Variants in DYNC1I1 observed in about 807,000 individuals in gnomAD.
DYNC1I1 encodes the protein cytoplasmic dynein 1 intermediate chain 1.
A neutral mutation model predicts 86.6 loss-of-function variants in DYNC1I1; 43 were observed. That is an observed-to-expected ratio of 0.50 (90% CI 0.39 to 0.64). DYNC1I1 has a LOEUF of 0.64. Ranked by LOEUF, DYNC1I1 falls within the 30% of genes least tolerant of loss-of-function variation. The pLI is 0.00. For synonymous variants in DYNC1I1, 262 were observed against 283.7 expected, an observed-to-expected ratio of 0.92 and a Z score of 0.77; for missense variants, 604 against 788.8, an observed-to-expected ratio of 0.77 and a Z score of 2.81.
chr7:96,053,960 TATA>T (rs1789487275), intron 14 of DYNC1I1, among the ~76,000 whole-genome samples: 1 of 152,258 alleles, frequency 6.6e-6, no homozygotes, highest in Non-Finnish European at 1.5e-5. Context: ...AGTGGAAAAA[TATA>T]ATTAATTTTT....
chr7:95,961,564 A>C (rs977667754), intron 6 of DYNC1I1, among the ~76,000 whole-genome samples: 1 of 152,122 alleles, frequency 6.6e-6, no homozygotes, highest in African/African-American at 2.4e-5. Context: ...AGGCACTGGG[A>C]ACAATATAGA....
intron 10 of DYNC1I1, among the ~76,000 whole-genome samples, chr7:95,996,747 A>C (rs1793877205): frequency 6.6e-6 from 1 of 152,204 alleles, no homozygotes; most frequent in Admixed American, 6.5e-5. Flanking sequence ...CTGCCTAAAT[A>C]ATAGGCCTCA....
At chr7:95,855,279 G>A (rs1277464923) in intron 5 of DYNC1I1, among the ~76,000 whole-genome samples, 1 of 151,946 alleles carries the variant, frequency 6.6e-6, no homozygotes, top group East Asian at 1.9e-4. Flanking sequence ...ACTCTCTCCT[G>A]ATCTGTACAA....
intron 1 of DYNC1I1, among the ~76,000 whole-genome samples, chr7:95,793,962 A>G (rs1444874917): frequency 6.6e-6 from 1 of 152,200 alleles, no homozygotes; most frequent in East Asian, 1.9e-4. Flanking sequence ...CTTTCTACTC[A>G]ATGAATGTTT....
rs185960014 is a variant in DYNC1I1 at position 95,990,509 on chromosome 7, G to A, written c.843+3354G>A. Reference sequence around the variant, plus strand: ...GTCATGCCCTCTACTTCTTGCTTATGTTAGGAAACAGCGTCTTACTGGTCT... The same window carrying A: ...GTCATGCCCTCTACTTCTTGCTTATATTAGGAAACAGCGTCTTACTGGTCT... On this transcript the variant is annotated intron_variant, in intron 9 of 16. Coordinates refer to ENST00000447467, the MANE Select transcript of DYNC1I1 (RefSeq NM_001135556.2). 3.4e-4 allele frequency among the ~76,000 whole-genome samples: 52 copies of A among 152,260 alleles called. No individual in the cohort carries two copies. In the East Asian group the frequency reaches 0.01, roughly 29 times the overall value.
At chr7:96,105,981 A>C (rs560394705) in intron 16 of DYNC1I1, among the ~76,000 whole-genome samples, 6 of 152,308 alleles carry the variant, frequency 3.9e-5, no homozygotes, top group African/African-American at 1.4e-4. Context: ...TGTACATAGA[A>C]TCATAATGAC....
intron 6 of DYNC1I1, among the ~76,000 whole-genome samples, chr7:95,938,843 C>T (rs1189931169): frequency 2.0e-5 from 3 of 152,034 alleles, no homozygotes; most frequent in Non-Finnish European, 4.4e-5. Context: ...AGCAATGGAT[C>T]ACCTTATTTA....
chr7:95,990,000 C>T (rs1793691841), intron 9 of DYNC1I1, among the ~76,000 whole-genome samples: 2 of 151,932 alleles, frequency 1.3e-5, no homozygotes, highest in Admixed American at 1.3e-4. Context: ...GCGTGTGTGT[C>T]TAGGATGATT....
intron 8 of DYNC1I1, among the ~76,000 whole-genome samples, chr7:95,986,506 A>T (rs147092823): frequency 5.3e-5 from 8 of 152,276 alleles, no homozygotes; most frequent in Non-Finnish European, 8.8e-5. Context: ...AGTATCTGGA[A>T]CATATCTGGT....
chr7:95,913,420 T>C (rs962054919), intron 6 of DYNC1I1, among the ~76,000 whole-genome samples: 2 of 152,068 alleles, frequency 1.3e-5, no homozygotes, highest in Non-Finnish European at 2.9e-5. Flanking sequence ...AAACCCCAGG[T>C]GCCATGGATG....
chr7:96,104,682 A>G (rs1466461095), intron 16 of DYNC1I1, among the ~76,000 whole-genome samples: 2 of 152,150 alleles, frequency 1.3e-5, no homozygotes, highest in African/African-American at 4.8e-5. Context: ...AATTGTCCAT[A>G]TATGTATAGG....
intron 5 of DYNC1I1, among the ~76,000 whole-genome samples, chr7:95,865,548 G>T (rs1446416635): frequency 6.6e-6 from 1 of 152,164 alleles, no homozygotes; most frequent in East Asian, 1.9e-4. Flanking sequence ...GTCTAGTCAT[G>T]GGTGAGAGAC....
At chr7:95,826,107 C>T (rs1795197368) in intron 4 of DYNC1I1, among the ~76,000 whole-genome samples, 1 of 152,194 alleles carries the variant, frequency 6.6e-6, no homozygotes, top group Admixed American at 6.5e-5. Flanking sequence ...AGTCTCGGGC[C>T]ACCCGCACAC....
chr7:95,778,304 G>T (rs562919760), intron 1 of DYNC1I1, among the ~76,000 whole-genome samples: 1 of 152,358 alleles, frequency 6.6e-6, no homozygotes, highest in Admixed American at 6.5e-5. Flanking sequence ...AAAAGCTGCG[G>T]ATCTGGAAAT....
chr7:96,023,024 G>A (rs1265247917), intron 10 of DYNC1I1, among the ~76,000 whole-genome samples: 1 of 151,998 alleles, frequency 6.6e-6, no homozygotes, highest in Non-Finnish European at 1.5e-5. Context: ...CTATAGGAGG[G>A]GTTTTCAACA....
intron 6 of DYNC1I1, among the ~76,000 whole-genome samples, chr7:95,952,228 C>T (rs1792580662): frequency 6.6e-6 from 1 of 152,050 alleles, no homozygotes; most frequent in Non-Finnish European, 1.5e-5. Flanking sequence ...CCCAGATTAC[C>T]CATTCATCCT....
chr7:96,060,404 A>G (rs925836795), intron 14 of DYNC1I1, among the ~76,000 whole-genome samples: 16 of 152,236 alleles, frequency 1.1e-4, no homozygotes, highest in Admixed American at 8.5e-4. Context: ...AAAGGAAAAC[A>G]TAAAATAAAT....
At chr7:95,821,460 G>A (rs960182878) in intron 4 of DYNC1I1, among the ~76,000 whole-genome samples, 3 of 152,230 alleles carry the variant, frequency 2.0e-5, no homozygotes, top group African/African-American at 7.2e-5. Flanking sequence ...GAGAATGCCT[G>A]TCTTTATTGG....
chr7:96,045,921 G>C (rs532547773), intron 14 of DYNC1I1, among the ~76,000 whole-genome samples: 2 of 152,252 alleles, frequency 1.3e-5, no homozygotes, highest in Admixed American at 1.3e-4. Context: ...AGGGGCCAAG[G>C]ATTCAGAAGA....
Sources: allele counts gnomAD v4.1 joint callset (sites outside exome capture counted in the v4.1 genomes callset), GRCh38; gene constraint gnomAD v4.1.1; transcripts MANE v1.5; gene names NCBI Gene and HGNC (gene_info 2026-07-23, HGNC 2026-07-21).